NFKB1: variants seen among roughly 807,000 people sequenced by gnomAD.
NFKB1 encodes the protein nuclear factor NF-kappa-B p105 subunit.
NFKB1 carries 9 observed loss-of-function variants against 105.1 expected under a neutral mutation model. That is an observed-to-expected ratio of 0.09 (90% CI 0.05 to 0.15). The LOEUF is 0.15. NFKB1 is among the 10% of genes least tolerant of loss of function. The pLI, the probability that NFKB1 is intolerant of heterozygous loss-of-function variation, is 1.00. For synonymous variants in NFKB1, 440 were observed against 442.2 expected (o/e 1.00, Z 0.06); for missense variants, 830 against 1,203.7 (o/e 0.69, Z 4.59).
At chr4:102,504,492 G>C (rs1202602489) in intron 1 of NFKB1, among the ~76,000 whole-genome samples, 1 of 152,194 alleles carries the variant, frequency 6.6e-6, no homozygotes, top group Non-Finnish European at 1.5e-5. Context: ...TAGTGGGATT[G>C]TTATATTAGA....
intron 5 of NFKB1, among the ~76,000 whole-genome samples, chr4:102,562,887 G>GTCATCA (rs970194679): frequency 1.8e-4 from 28 of 152,100 alleles, no homozygotes; most frequent in Admixed American, 9.2e-4. Flanking sequence ...CATTACCATT[G>GTCATCA]TCATCATCAT....
chr4:102,541,824 C>A (rs1045696758), intron 5 of NFKB1, among the ~76,000 whole-genome samples: 1 of 152,150 alleles, frequency 6.6e-6, no homozygotes, highest in Non-Finnish European at 1.5e-5. Context: ...ATGGGCTGTG[C>A]TTTTCCTCAG....
intron 1 of NFKB1, among the ~76,000 whole-genome samples, chr4:102,506,091 T>G (rs28520385): frequency 0.057 from 8,664 of 152,154 alleles, 273 homozygotes; most frequent in African/African-American, 0.089. Flanking sequence ...GAAAGAGGCA[T>G]TTATGAACTA....
At chr4:102,528,240 C>G (rs906970742) in intron 2 of NFKB1, among the ~76,000 whole-genome samples, 51 of 152,102 alleles carry the variant, frequency 3.4e-4, no homozygotes, top group African/African-American at 1.1e-3. Context: ...GCTAGGTTAT[C>G]ACGTTTGCTC....
intron 3 of NFKB1, among the ~76,000 whole-genome samples, chr4:102,530,888 C>T (rs2149119774): frequency 6.6e-6 from 1 of 152,186 alleles, no homozygotes; most frequent in East Asian, 1.9e-4. Flanking sequence ...AGGTGTATTT[C>T]AGAGGTTTTT....
intron 5 of NFKB1, among the ~76,000 whole-genome samples, chr4:102,548,142 A>G (rs1722281208): frequency 6.6e-6 from 1 of 152,080 alleles, no homozygotes; most frequent in African/African-American, 2.4e-5. Context: ...ATGTGGAGAA[A>G]GAGAGAGAAA....
At chr4:102,610,445 G>A (rs1192520551) in intron 19 of NFKB1, 130 bp from the exon 20 acceptor site, 4 of 857,152 alleles carry the variant, frequency 4.7e-6, no homozygotes, top group Non-Finnish European at 7.0e-6. Context: ...AATGTTTTAT[G>A]ATTTAAAAAT....
intron 5 of NFKB1, among the ~76,000 whole-genome samples, chr4:102,549,885 A>T (rs1171977824): frequency 2.0e-5 from 3 of 152,144 alleles, no homozygotes; most frequent in African/African-American, 7.2e-5. Flanking sequence ...ATTATTCTTC[A>T]GCACCTCCAA....
intron 15 of NFKB1, among the ~76,000 whole-genome samples, chr4:102,598,523 A>G (rs1409745091): frequency 1.3e-5 from 2 of 152,214 alleles, no homozygotes; most frequent in South Asian, 2.1e-4. Context: ...GGTTTCAAGC[A>G]GAGACACCTT....
intron 1 of NFKB1, among the ~76,000 whole-genome samples, chr4:102,522,291 A>T (rs932193699): frequency 2.0e-5 from 3 of 152,246 alleles, no homozygotes; most frequent in African/African-American, 7.2e-5. Flanking sequence ...GTGAATTAAC[A>T]TTGACATCAC....
intron 7 of NFKB1, chr4:102,577,804 C>A: frequency 4.1e-6 from 4 of 985,522 alleles, no homozygotes; most frequent in Non-Finnish European, 4.8e-6. Flanking sequence ...TGCTCTCTGG[C>A]ATTCCACACT....
intron 1 of NFKB1, among the ~76,000 whole-genome samples, chr4:102,508,690 A>C (rs1739587239): frequency 1.3e-5 from 2 of 152,172 alleles, no homozygotes; most frequent in Non-Finnish European, 2.9e-5. Flanking sequence ...GATAAGGTGA[A>C]TAGGTTAAGC....
chr4:102,554,717 G>C (rs1722855793), intron 5 of NFKB1, among the ~76,000 whole-genome samples: 1 of 152,146 alleles, frequency 6.6e-6, no homozygotes, highest in African/African-American at 2.4e-5. Context: ...GTCTTGCGGA[G>C]TCTCCCTGCT....
chr4:102,557,778 A>C (rs558819896), intron 5 of NFKB1, among the ~76,000 whole-genome samples: 2 of 152,308 alleles, frequency 1.3e-5, no homozygotes, highest in East Asian at 3.9e-4. Context: ...TTGGAATTTG[A>C]GGGAAGAACT....
At chr4:102,566,890 A>G in intron 5 of NFKB1, 97 bp from the exon 6 acceptor site, 1 of 1,267,348 alleles carries the variant, frequency 7.9e-7, no homozygotes, top group Non-Finnish European at 1.1e-6. Context: ...GAATAACTTT[A>G]TATTGTACTT....
At chr4:102,594,137 A>G (rs1726408321) in intron 12 of NFKB1, among the ~76,000 whole-genome samples, 1 of 152,212 alleles carries the variant, frequency 6.6e-6, no homozygotes, top group Admixed American at 6.5e-5. Context: ...GACTGTGTGT[A>G]TAGAGTCATA....
At chr4:102,562,738 C>T (rs1723539246) in intron 5 of NFKB1, among the ~76,000 whole-genome samples, 1 of 151,972 alleles carries the variant, frequency 6.6e-6, no homozygotes, top group African/African-American at 2.4e-5. Flanking sequence ...CGGTCTTGAG[C>T]CGGGCAGCCT....
chr4:102,531,535 C>T (rs540628682), intron 3 of NFKB1, among the ~76,000 whole-genome samples: 2 of 152,104 alleles, frequency 1.3e-5, no homozygotes, highest in Admixed American at 6.5e-5. Flanking sequence ...AATCTAAAAC[C>T]TTTAGTAGAT....
chr4:102,549,486 A>T (rs1722407777), intron 5 of NFKB1, among the ~76,000 whole-genome samples: 3 of 150,214 alleles, frequency 2.0e-5, no homozygotes, highest in Non-Finnish European at 4.4e-5. Context: ...TTATATATAT[A>T]TAAAACTTAA....
Sources: gnomAD v4.1 joint callset for allele counts (sites outside exome capture counted in the v4.1 genomes callset) on GRCh38, gnomAD v4.1.1 for gene constraint, MANE v1.5 for transcripts, NCBI Gene and HGNC (gene_info 2026-07-23, HGNC 2026-07-21) for gene names.